The following THSD4 variants were observed in gnomAD, a reference collection of about 807,000 sequenced individuals.
The protein encoded by THSD4 is thrombospondin type 1 domain containing 4, also known as thrombospondin type-1 domain-containing protein 4.
Under a neutral mutation model 119.0 loss-of-function variants are expected in THSD4, and 69 were observed. The ratio of observed to expected loss-of-function variants is 0.58; its 90% CI spans 0.48 to 0.71. The LOEUF (loss-of-function observed/expected upper bound fraction) is 0.71. THSD4 is among the 30% of genes least tolerant of loss of function. THSD4 has a pLI of 0.00. For synonymous variants in THSD4, 524 were observed against 540.4 expected, an observed-to-expected ratio of 0.97 and a Z score of 0.42; for missense variants, 1,393 against 1,391.1, an observed-to-expected ratio of 1.00 and a Z score of -0.02.
chr15:71,745,330 C>G, intron 12 of THSD4, 95 bp downstream of exon 12: 1 of 1,476,744 alleles, frequency 6.8e-7, no homozygotes, highest in Non-Finnish European at 9.1e-7. Context: ...CAGTCTAAAT[C>G]TGAGTTAGAA....
intron 6 of THSD4, among the ~76,000 whole-genome samples, chr15:71,389,827 T>TTTTTTTTTTTTTTTTTTTG (rs56316633): frequency 7.0e-6 from 1 of 142,914 alleles, no homozygotes; most frequent in Non-Finnish European, 1.5e-5. Context: ...TTTTTTTTTT[T>TTTTTTTTTTTTTTTTTTTG]GACACAGAGT....
chr15:71,526,552 G>A (rs1306064946), intron 7 of THSD4, among the ~76,000 whole-genome samples: 1 of 152,062 alleles, frequency 6.6e-6, no homozygotes, highest in East Asian at 1.9e-4. Flanking sequence ...TAGTTGCACT[G>A]GAATATTCCA....
intron 6 of THSD4, among the ~76,000 whole-genome samples, chr15:71,322,208 T>A (rs1478979806): frequency 1.3e-5 from 2 of 152,198 alleles, no homozygotes; most frequent in Non-Finnish European, 1.5e-5. Context: ...GATTTGTACC[T>A]GCTGACTTGC....
chr15:71,130,938 G>A (rs1187473455), intron 1 of THSD4, among the ~76,000 whole-genome samples: 1 of 151,950 alleles, frequency 6.6e-6, no homozygotes, highest in Non-Finnish European at 1.5e-5. Context: ...TAGAGACGGG[G>A]TTTCACCGTG....
chr15:71,256,844 TC>T, intron 6 of THSD4, 129 bp downstream of exon 6: 2 of 774,114 alleles, frequency 2.6e-6, no homozygotes, highest in Non-Finnish European at 4.1e-6. Flanking sequence ...AAAGTGTGAC[TC>T]CAGGGCAAAG....
intron 7 of THSD4, among the ~76,000 whole-genome samples, chr15:71,641,583 G>A (rs566499853): frequency 1.1e-4 from 16 of 152,186 alleles, no homozygotes; most frequent in African/African-American, 3.1e-4. Flanking sequence ...CAACAGAACT[G>A]CAATCCTGGA....
chr15:71,533,893 AAAAT>A (rs2048651347), intron 7 of THSD4, among the ~76,000 whole-genome samples: 1 of 152,206 alleles, frequency 6.6e-6, no homozygotes, highest in Admixed American at 6.5e-5. Flanking sequence ...ATTTTGAACT[AAAAT>A]AACCCCAATA....
At chr15:71,256,813 G>A in intron 6 of THSD4, 98 bp downstream of exon 6, 1 of 1,145,966 alleles carries the variant, frequency 8.7e-7, no homozygotes, top group Non-Finnish European at 1.3e-6. Flanking sequence ...TGTGATCCTG[G>A]CTGGGGTGTC....
At chr15:71,231,130 C>T (rs990519520) in intron 4 of THSD4, among the ~76,000 whole-genome samples, 8 of 152,216 alleles carry the variant, frequency 5.3e-5, no homozygotes, top group Non-Finnish European at 1.2e-4. Context: ...TGCACAGCAG[C>T]ACCCGTGAGC....
chr15:71,695,132 C>A (rs763947304), intron 8 of THSD4, among the ~76,000 whole-genome samples: 1 of 152,168 alleles, frequency 6.6e-6, no homozygotes, highest in Non-Finnish European at 1.5e-5. Flanking sequence ...CCCCAGAGGC[C>A]CTTCCACAGG....
rs145319292 is a variant in THSD4 at position 71,487,019 on chromosome 15, G to T, written c.1152+75196G>T. 4.2e-3 allele frequency among the ~76,000 whole-genome samples: 647 copies of T among 152,294 alleles called. 5 individuals carry two copies. Among genetic ancestry groups the T allele is most frequent in the African/African-American group, 0.015 (615 of 41,560 alleles). ...CAGATGTAGCTCCCTTTCAGCCAGGGAAGTAGTTGACCACAGTCTCAGTTG... is the reference window on the plus strand; with the variant it reads ...CAGATGTAGCTCCCTTTCAGCCAGGTAAGTAGTTGACCACAGTCTCAGTTG... On this transcript the variant is annotated intron_variant, in intron 7 of 17. Coordinates refer to ENST00000261862, the MANE Select transcript of THSD4 (RefSeq NM_024817.3).
At chr15:71,536,851 A>T (rs962784197) in intron 7 of THSD4, among the ~76,000 whole-genome samples, 1 of 152,114 alleles carries the variant, frequency 6.6e-6, no homozygotes, top group African/African-American at 2.4e-5. Context: ...TTGCGTGTAG[A>T]TATCCACTTA....
chr15:71,500,623 G>T (rs1156290713), intron 7 of THSD4, among the ~76,000 whole-genome samples: 1 of 152,178 alleles, frequency 6.6e-6, no homozygotes, highest in Non-Finnish European at 1.5e-5. Flanking sequence ...ATATGTTTAG[G>T]TCTTTAATCC....
At chr15:71,754,795 A>G (rs1283208350) in intron 14 of THSD4, among the ~76,000 whole-genome samples, 1 of 149,862 alleles carries the variant, frequency 6.7e-6, no homozygotes, top group Non-Finnish European at 1.5e-5. Flanking sequence ...GGGGGGCTTC[A>G]TAGGAAAGAA....
chr15:71,275,865 C>G (rs139986348), intron 6 of THSD4, among the ~76,000 whole-genome samples: 1 of 152,306 alleles, frequency 6.6e-6, no homozygotes, highest in East Asian at 1.9e-4. Flanking sequence ...GTTTGCTTCC[C>G]CTTCTGCGAT....
At position 71,115,767 on chromosome 15, in the gene THSD4, C is replaced by T. The variant is rs1251312134; in HGVS notation, c.-80+69C>T. The T allele has an allele frequency of 6.7e-6, 1 of 149,368 alleles. No homozygotes were observed. Among genetic ancestry groups the T allele is most frequent in the Non-Finnish European group, 1.5e-5 (1 of 67,100 alleles). 9.3% of individuals were successfully genotyped at this position (149,368 alleles called of 1,614,324 possible). On this transcript the variant is annotated intron_variant, in intron 1 of 17. Transcript: ENST00000261862. The surrounding 1 kb of genome is among the most constrained non-coding windows in gnomAD (Gnocchi z 4.4). ...GCGGCCCCGACCCGGCTTCCGCTGC[C>T]CAGGCTCCGGCTCCCGCTCTCTGGC... is the stretch of plus-strand genomic sequence containing the variant.
At chr15:71,109,000 A>C (rs1204774419) in intron 1 of THSD4, among the ~76,000 whole-genome samples, 1 of 152,028 alleles carries the variant, frequency 6.6e-6, no homozygotes. Flanking sequence ...TCAAACAAAC[A>C]AACAAACAAA....
chr15:71,255,792 A>T (rs528369015), intron 5 of THSD4, among the ~76,000 whole-genome samples: 13 of 152,160 alleles, frequency 8.5e-5, no homozygotes, highest in Non-Finnish European at 1.6e-4. Flanking sequence ...TACAGTGTTT[A>T]CCTTATTGGT....
intron 6 of THSD4, among the ~76,000 whole-genome samples, chr15:71,356,374 C>T (rs1214485644): frequency 2.6e-5 from 4 of 152,162 alleles, no homozygotes; most frequent in Non-Finnish European, 4.4e-5. Context: ...ACACTTATTA[C>T]AGTCCAACAT....
Sources: allele counts gnomAD v4.1 joint callset (sites outside exome capture counted in the v4.1 genomes callset), GRCh38; gene constraint gnomAD v4.1.1; non-coding constraint Gnocchi (gnomAD v3.1); transcripts MANE v1.5; gene names NCBI Gene and HGNC (gene_info 2026-07-23, HGNC 2026-07-21).